LIMS1: variants seen among roughly 807,000 people sequenced by gnomAD.
The protein encoded by LIMS1 is LIM and senescent cell antigen-like-containing domain protein 1.
Under a neutral mutation model 44.1 loss-of-function variants are expected in LIMS1, and 18 were observed. The observed-to-expected ratio is 0.41, with a 90% CI of 0.28 to 0.61. The LOEUF is 0.61. Ranked by LOEUF, LIMS1 falls within the 20% of genes least tolerant of loss-of-function variation. The pLI, the probability that LIMS1 is intolerant of heterozygous loss-of-function variation, is 0.32. For missense variants in LIMS1, 201 were observed against 422.0 expected (o/e 0.48, Z 4.59); for synonymous variants, 93 against 149.1 (o/e 0.62, Z 2.74).
intron 1 of LIMS1, among the ~76,000 whole-genome samples, chr2:108,608,039 C>G (rs145672775): frequency 1.3e-5 from 2 of 152,288 alleles, no homozygotes; most frequent in Non-Finnish European, 2.9e-5. Flanking sequence ...AAAGGAACCT[C>G]CAAATATCTA....
chr2:108,556,398 G>A (rs748876506), intron 1 of LIMS1, among the ~76,000 whole-genome samples: 2 of 152,160 alleles, frequency 1.3e-5, no homozygotes, highest in Non-Finnish European at 2.9e-5. Flanking sequence ...TGTCACTTAT[G>A]AACACTTGAG....
intron 2 of LIMS1, among the ~76,000 whole-genome samples, chr2:108,669,721 T>C (rs1211896911): frequency 1.8e-5 from 2 of 113,806 alleles, no homozygotes; most frequent in East Asian, 5.4e-3. Context: ...CATTTCTCTA[T>C]TAAAAAAAAA....
chr2:108,585,350 T>G (rs1686058267), intron 1 of LIMS1, among the ~76,000 whole-genome samples: 1 of 152,026 alleles, frequency 6.6e-6, no homozygotes, highest in Admixed American at 6.6e-5. Flanking sequence ...TCTAGGAGGC[T>G]GCGGCATGCC....
intron 1 of LIMS1, among the ~76,000 whole-genome samples, chr2:108,632,333 T>A (rs1688980339): frequency 6.6e-6 from 1 of 152,200 alleles, no homozygotes; most frequent in Non-Finnish European, 1.5e-5. Context: ...AGTTAATTGC[T>A]TTTTACTTCC....
At chr2:108,594,557 T>C (rs2104696568) in intron 1 of LIMS1, among the ~76,000 whole-genome samples, 1 of 152,298 alleles carries the variant, frequency 6.6e-6, no homozygotes, top group South Asian at 2.1e-4. Flanking sequence ...TTCTTTCTAC[T>C]GAGCGTATTC....
At chr2:108,646,746 G>T (rs546585860) in intron 1 of LIMS1, among the ~76,000 whole-genome samples, 2 of 152,062 alleles carry the variant, frequency 1.3e-5, no homozygotes, top group South Asian at 4.2e-4. Flanking sequence ...TGGCTCTGTC[G>T]CCAGGCTGGA....
intron 1 of LIMS1, among the ~76,000 whole-genome samples, chr2:108,547,674 A>G (rs1684526421): frequency 6.6e-6 from 1 of 152,214 alleles, no homozygotes; most frequent in Non-Finnish European, 1.5e-5. Flanking sequence ...GAAGTTTCAG[A>G]ACAAAACAAT....
At chr2:108,543,470 C>T (rs1573296271) in intron 1 of LIMS1, among the ~76,000 whole-genome samples, 1 of 152,174 alleles carries the variant, frequency 6.6e-6, no homozygotes, top group Non-Finnish European at 1.5e-5. Context: ...CTAGGCCTTT[C>T]CTGGGCCTTA....
Position 108,647,051 on chromosome 2 carries a change from AATAG to A in LIMS1, c.33-12548_33-12545del, listed in dbSNP as rs756240737. Reference sequence around the variant, plus strand: ...GCTGGTTTTTTGAAAAGATCAACAAAATAGATAGACCACTAGTGAGAATAATAAA... The same window carrying A: ...GCTGGTTTTTTGAAAAGATCAACAAAATAGACCACTAGTGAGAATAATAAA... On this transcript the variant is annotated intron_variant, in intron 1 of 9. Coordinates refer to ENST00000544547, the Ensembl canonical transcript of LIMS1. Among the ~76,000 whole-genome samples, 23 of 152,318 alleles carry A rather than the reference AATAG, an allele frequency of 1.5e-4. No individual in the cohort carries two copies. In the South Asian group the frequency reaches 1.7e-3, roughly 11 times the overall value.
intron 1 of LIMS1, among the ~76,000 whole-genome samples, chr2:108,536,677 C>T (rs1403704105): frequency 6.6e-6 from 1 of 152,166 alleles, no homozygotes; most frequent in African/African-American, 2.4e-5. Context: ...ACCTCCCAGG[C>T]TGAAGCAATC....
intron 1 of LIMS1, among the ~76,000 whole-genome samples, chr2:108,593,354 C>T (rs577411714): frequency 3.3e-5 from 5 of 152,268 alleles, no homozygotes; most frequent in Admixed American, 6.5e-5. Context: ...TTCTCCCCTT[C>T]GATTGCCTTT....
At chr2:108,655,003 C>G in intron 1 of LIMS1, 1 of 1,604,542 alleles carries the variant, frequency 6.2e-7, no homozygotes, top group African/African-American at 1.3e-5. Context: ...GCAGGGAGGC[C>G]TGGATATTGT....
intron 1 of LIMS1, chr2:108,621,152 A>G (rs1339759714): frequency 1.0e-5 from 9 of 869,970 alleles, no homozygotes; most frequent in Non-Finnish European, 1.5e-5. Context: ...GCCCAGAGAT[A>G]AGGCAAGTTG....
chr2:108,650,413 C>CTTTTTTTTTTTTTT (rs113015874), intron 1 of LIMS1, among the ~76,000 whole-genome samples: 1 of 145,178 alleles, frequency 6.9e-6, no homozygotes. Flanking sequence ...CTTTTCTTTT[C>CTTTTTTTTTTTTTT]TTTTTTTTTT....
intron 1 of LIMS1, among the ~76,000 whole-genome samples, chr2:108,598,616 G>T (rs868767003): frequency 3.3e-5 from 5 of 152,182 alleles, no homozygotes; most frequent in Non-Finnish European, 7.3e-5. Context: ...ACGGAGTGTG[G>T]GAATGAGGCC....
At chr2:108,620,307 A>G (rs893696273) in intron 1 of LIMS1, among the ~76,000 whole-genome samples, 2 of 152,200 alleles carry the variant, frequency 1.3e-5, no homozygotes, top group Non-Finnish European at 2.9e-5. Flanking sequence ...TCTAAAAGGA[A>G]AAGAGGCTGG....
chr2:108,669,734 A>G (rs1466561833), intron 2 of LIMS1, among the ~76,000 whole-genome samples: 1 of 147,150 alleles, frequency 6.8e-6, no homozygotes, highest in Non-Finnish European at 1.5e-5. Flanking sequence ...AAAAAAAAAA[A>G]GGAACACCCA....
intron 1 of LIMS1, among the ~76,000 whole-genome samples, chr2:108,627,143 C>T (rs898791126): frequency 1.3e-5 from 2 of 152,178 alleles, no homozygotes; most frequent in African/African-American, 4.8e-5. Context: ...GGCTATACCA[C>T]GTAGCCTAGG....
chr2:108,589,232 A>G (rs962338570), intron 1 of LIMS1, among the ~76,000 whole-genome samples: 8 of 151,990 alleles, frequency 5.3e-5, no homozygotes, highest in Admixed American at 5.2e-4. Context: ...TAATTGGCAC[A>G]TTTATTTATG....
Sources: allele counts gnomAD v4.1 joint callset (sites outside exome capture counted in the v4.1 genomes callset), GRCh38; gene constraint gnomAD v4.1.1; transcripts MANE v1.5; gene names NCBI Gene and HGNC (gene_info 2026-07-23, HGNC 2026-07-21).